The following SPAG16 variants were observed in gnomAD, a reference collection of about 807,000 sequenced individuals.
The protein encoded by SPAG16 is sperm-associated antigen 16 protein.
Under a neutral mutation model 80.4 loss-of-function variants are expected in SPAG16, and 86 were observed. That is an observed-to-expected ratio of 1.07 (90% CI 0.90 to 1.28). SPAG16 has a LOEUF of 1.28. Ranked by LOEUF, SPAG16 falls within the 50% of genes most tolerant of loss-of-function variation. The pLI is 0.00. For synonymous variants in SPAG16, 294 were observed against 265.9 expected (o/e 1.11, Z -1.03); for missense variants, 870 against 765.3 (o/e 1.14, Z -1.61).
intron 12 of SPAG16, among the ~76,000 whole-genome samples, chr2:214,008,003 A>T (rs1037769996): frequency 3.3e-5 from 5 of 152,100 alleles, no homozygotes; most frequent in Non-Finnish European, 5.9e-5. Context: ...TAACACAATT[A>T]TACTTATGTT....
At chr2:213,920,342 T>G (rs772966981) in intron 11 of SPAG16, among the ~76,000 whole-genome samples, 40 of 152,226 alleles carry the variant, frequency 2.6e-4, no homozygotes, top group Non-Finnish European at 5.0e-4. Flanking sequence ...TAGCTTGTTA[T>G]GCAAGCTTGT....
intron 15 of SPAG16, among the ~76,000 whole-genome samples, chr2:214,371,274 T>A (rs1159610059): frequency 6.6e-6 from 1 of 152,184 alleles, no homozygotes; most frequent in African/African-American, 2.4e-5. Context: ...GGTTCACACC[T>A]GTAATCCCAG....
intron 11 of SPAG16, among the ~76,000 whole-genome samples, chr2:213,916,689 C>T (rs546309161): frequency 2.6e-5 from 4 of 152,232 alleles, no homozygotes; most frequent in Admixed American, 2.0e-4. Context: ...TGGGGATTAT[C>T]ACAATTCAAT....
At chr2:214,224,274 T>C (rs2058650089) in intron 15 of SPAG16, among the ~76,000 whole-genome samples, 2 of 152,194 alleles carry the variant, frequency 1.3e-5, no homozygotes, top group South Asian at 4.1e-4. Context: ...ATTGATGATT[T>C]TGCTAACTAA....
chr2:213,598,913 A>G (rs1203032593), intron 10 of SPAG16, among the ~76,000 whole-genome samples: 3 of 152,110 alleles, frequency 2.0e-5, no homozygotes, highest in South Asian at 2.1e-4. Context: ...CTAGTTACTT[A>G]TTGCCTTTGA....
At chr2:213,325,827 C>G (rs1002127573) in intron 5 of SPAG16, among the ~76,000 whole-genome samples, 1 of 151,854 alleles carries the variant, frequency 6.6e-6, no homozygotes, top group Non-Finnish European at 1.5e-5. Context: ...ATTTTCAGTT[C>G]CATATAATAG....
intron 12 of SPAG16, among the ~76,000 whole-genome samples, chr2:213,934,381 G>A: frequency 6.6e-6 from 1 of 152,232 alleles, no homozygotes; most frequent in East Asian, 1.9e-4. Context: ...TAATGCAAGT[G>A]ACACTGCTGA....
chr2:214,153,119 G>T (rs1438027689), intron 15 of SPAG16, among the ~76,000 whole-genome samples: 1 of 152,024 alleles, frequency 6.6e-6, no homozygotes, highest in Non-Finnish European at 1.5e-5. Context: ...TTCCCGGTCT[G>T]CTAAGTAGTG....
intron 15 of SPAG16, among the ~76,000 whole-genome samples, chr2:214,302,977 A>T (rs1470614827): frequency 6.6e-6 from 1 of 152,190 alleles, no homozygotes; most frequent in East Asian, 1.9e-4. Context: ...TGTATGATAC[A>T]GCTTTTTCTA....
chr2:213,815,766 A>C (rs963882839), intron 10 of SPAG16, among the ~76,000 whole-genome samples: 7 of 152,258 alleles, frequency 4.6e-5, no homozygotes, highest in Middle Eastern at 3.4e-3. Flanking sequence ...AGATATGTTC[A>C]TTAATTTTTA....
chr2:214,385,399 ATC>A (rs1225495941), intron 15 of SPAG16, among the ~76,000 whole-genome samples: 5 of 152,194 alleles, frequency 3.3e-5, no homozygotes, highest in Non-Finnish European at 7.3e-5. Context: ...ACCACATGCA[ATC>A]TCTATTTGAT....
chr2:213,664,900 A>G (rs1473959670), intron 10 of SPAG16, among the ~76,000 whole-genome samples: 1 of 151,728 alleles, frequency 6.6e-6, no homozygotes, highest in East Asian at 1.9e-4. Flanking sequence ...ATTTCTCTTA[A>G]ATTTTTGTTG....
intron 10 of SPAG16, among the ~76,000 whole-genome samples, chr2:213,791,343 G>T (rs1020184511): frequency 6.6e-6 from 1 of 151,248 alleles, no homozygotes; most frequent in Admixed American, 6.6e-5. Context: ...TGAATCATGA[G>T]GCATTTTTGG....
At chr2:213,859,384 T>C (rs1330174945) in intron 10 of SPAG16, among the ~76,000 whole-genome samples, 1 of 151,964 alleles carries the variant, frequency 6.6e-6, no homozygotes, top group Admixed American at 6.6e-5. Flanking sequence ...TCTCTGGCAG[T>C]ACCAGAGCAT....
chr2:213,462,324 A>G (rs901647126), intron 9 of SPAG16, among the ~76,000 whole-genome samples: 4 of 152,238 alleles, frequency 2.6e-5, no homozygotes, highest in Non-Finnish European at 4.4e-5. Flanking sequence ...TTCAGTCTTT[A>G]CAAATTGATG....
At chr2:213,799,755 G>C (rs1351938767) in intron 10 of SPAG16, among the ~76,000 whole-genome samples, 1 of 151,984 alleles carries the variant, frequency 6.6e-6, no homozygotes, top group Non-Finnish European at 1.5e-5. Flanking sequence ...ATCCATAATT[G>C]AGGATATCAA....
At chr2:213,747,826 A>G (rs1202705621) in intron 10 of SPAG16, among the ~76,000 whole-genome samples, 3 of 152,210 alleles carry the variant, frequency 2.0e-5, no homozygotes, top group Non-Finnish European at 4.4e-5. Context: ...ACTATGGTTT[A>G]GCAGAAAGAT....
intron 9 of SPAG16, among the ~76,000 whole-genome samples, chr2:213,465,246 A>G (rs972805198): frequency 6.6e-6 from 1 of 152,170 alleles, no homozygotes; most frequent in African/African-American, 2.4e-5. Flanking sequence ...ATCAGTATAA[A>G]TGTTAACTGC....
At chr2:213,286,396 C>T (rs2062058185) in intron 1 of SPAG16, among the ~76,000 whole-genome samples, 1 of 152,148 alleles carries the variant, frequency 6.6e-6, no homozygotes, top group African/African-American at 2.4e-5. Context: ...CATTTCAACT[C>T]TCAGTTGAAA....
Sources: allele counts gnomAD v4.1 joint callset (sites outside exome capture counted in the v4.1 genomes callset), GRCh38; gene constraint gnomAD v4.1.1; transcripts MANE v1.5; gene names NCBI Gene and HGNC (gene_info 2026-07-23, HGNC 2026-07-21).